Variants in KIF16B observed in about 807,000 individuals in gnomAD.
KIF16B encodes kinesin-like protein KIF16B.
KIF16B carries 98 observed loss-of-function variants against 156.3 expected under a neutral mutation model. That is an observed-to-expected ratio of 0.63 (90% CI 0.53 to 0.74). The LOEUF is 0.74. KIF16B is among the 30% of genes least tolerant of loss of function. The pLI, the probability that KIF16B is intolerant of heterozygous loss-of-function variation, is 0.00. For synonymous variants in KIF16B, 564 were observed against 583.7 expected (o/e 0.97, Z 0.49); for missense variants, 1,421 against 1,606.5 (o/e 0.88, Z 1.97).
chr20:16,554,495 C>T (rs922297907), intron 1 of KIF16B, among the ~76,000 whole-genome samples: 1 of 152,220 alleles, frequency 6.6e-6, no homozygotes, highest in Non-Finnish European at 1.5e-5. Flanking sequence ...TTTGAGCTGT[C>T]TGTCGCTCAA....
At position 16,573,441 on chromosome 20, in the gene KIF16B, C is replaced by CT; in HGVS notation, c.-167dup. On this transcript the variant is annotated 5_prime_UTR_variant, in exon 1 of 26. An upstream open reading frame in the 5' UTR gains an earlier in-frame stop. Transcript: ENST00000354981. ...CGCGGCAGCCCCACCTGCCAGGCCA[C>CT]TGAGCATGCCCAGAACGGCTCCGGC... 1.4e-6 allele frequency: 1 copy of CT among 721,122 alleles called. No individual in the cohort carries two copies. The allele number at this position is 721,122 out of a possible 1,614,324, so 44.7% of individuals were successfully genotyped here. A position where few individuals can be genotyped will look rare whatever the true frequency, so the allele number is the denominator to read the frequency against.
At chr20:16,468,665 A>C in intron 12 of KIF16B, among the ~76,000 whole-genome samples, 1 of 152,066 alleles carries the variant, frequency 6.6e-6, no homozygotes, top group Non-Finnish European at 1.5e-5. Context: ...GTATGGCATA[A>C]CAATAGAGAG....
chr20:16,471,323 G>A (rs150180031), intron 12 of KIF16B, among the ~76,000 whole-genome samples: 30 of 152,286 alleles, frequency 2.0e-4, no homozygotes, highest in African/African-American at 7.0e-4. Flanking sequence ...GTCACTCTGT[G>A]AAGACTAAGC....
At chr20:16,286,492 A>C (rs1225756819) in intron 25 of KIF16B, among the ~76,000 whole-genome samples, 1 of 107,606 alleles carries the variant, frequency 9.3e-6, no homozygotes, top group Non-Finnish European at 2.1e-5. Flanking sequence ...TAGCTGAGGA[A>C]TCTTAGCTAG....
At chr20:16,333,330 C>T (rs1281144951) in intron 24 of KIF16B, among the ~76,000 whole-genome samples, 1 of 152,116 alleles carries the variant, frequency 6.6e-6, no homozygotes, top group African/African-American at 2.4e-5. Context: ...GTCCACTACC[C>T]AGCTCTCATG....
Position 16,379,505 on chromosome 20 carries a change from G to C in KIF16B, c.2497C>G (p.Leu833Val), listed in dbSNP as rs1275482041. Residue 833 changes from leucine to valine, a missense_variant, in exon 19 of 26, where the codon CTT becomes GTT. Coordinates refer to ENST00000354981, the MANE Select transcript of KIF16B (RefSeq NM_024704.5). ...TTCTCCAAGTTCACTAGCTTGACAAGCTGCCTTCTCTTGAATTCGAAGAAA... is the reference window on the plus strand; with the variant it reads ...TTCTCCAAGTTCACTAGCTTGACAACCTGCCTTCTCTTGAATTCGAAGAAA... Reference protein sequence around the residue: ...LRFFEFKRRQLVKLVNLEKDL... With the variant: ...LRFFEFKRRQVVKLVNLEKDL... The C allele has an allele frequency of 6.2e-7, 1 of 1,614,020 alleles. No homozygotes were observed. The highest frequency in any genetic ancestry group is 1.7e-5 in the Admixed American group (1 of 60,008).
chr20:16,534,434 G>A (rs1283837892), intron 1 of KIF16B, among the ~76,000 whole-genome samples: 1 of 152,124 alleles, frequency 6.6e-6, no homozygotes, highest in African/African-American at 2.4e-5. Context: ...CCTATCAAAT[G>A]AGTAGCTTAC....
chr20:16,382,994 G>A (rs539805505), intron 17 of KIF16B, among the ~76,000 whole-genome samples: 11 of 152,112 alleles, frequency 7.2e-5, no homozygotes, highest in Admixed American at 3.9e-4. Context: ...GGTGGATTTC[G>A]TTTTGGTATT....
At chr20:16,544,938 C>T (rs2147253659) in intron 1 of KIF16B, among the ~76,000 whole-genome samples, 1 of 152,190 alleles carries the variant, frequency 6.6e-6, no homozygotes, top group East Asian at 1.9e-4. Context: ...TTCTTAAACT[C>T]GAGCACTAAA....
intron 1 of KIF16B, among the ~76,000 whole-genome samples, chr20:16,568,056 G>A (rs1036672474): frequency 1.2e-4 from 19 of 152,184 alleles, no homozygotes; most frequent in African/African-American, 4.1e-4. Flanking sequence ...AGACCTAAGA[G>A]GCTAACCATG....
At chr20:16,431,835 C>A (rs1191233544) in intron 12 of KIF16B, among the ~76,000 whole-genome samples, 1 of 151,096 alleles carries the variant, frequency 6.6e-6, no homozygotes, top group Non-Finnish European at 1.5e-5. Flanking sequence ...ATGGTGATTT[C>A]TCTCCTTGGG....
chr20:16,485,876 C>CACATATATATACACACATATATAT (rs1281538270), intron 12 of KIF16B, among the ~76,000 whole-genome samples: 5 of 151,926 alleles, frequency 3.3e-5, no homozygotes, highest in African/African-American at 7.3e-5. Context: ...CATATATATA[C>CACATATATATACACACATATATAT]ACATATATAT....
intron 17 of KIF16B, among the ~76,000 whole-genome samples, chr20:16,388,898 C>T (rs958546051): frequency 6.6e-6 from 1 of 152,090 alleles, no homozygotes; most frequent in Non-Finnish European, 1.5e-5. Context: ...CCTATGATGT[C>T]GTTTCAGTTT....
At chr20:16,514,583 A>G (rs1377682810) in intron 4 of KIF16B, among the ~76,000 whole-genome samples, 1 of 61,388 alleles carries the variant, frequency 1.6e-5, no homozygotes, top group East Asian at 5.3e-4. Context: ...AAGAAATAAG[A>G]AAAAAAAAAA....
At chr20:16,479,891 C>T (rs1600505144) in intron 12 of KIF16B, among the ~76,000 whole-genome samples, 1 of 152,328 alleles carries the variant, frequency 6.6e-6, no homozygotes, top group East Asian at 1.9e-4. Flanking sequence ...CACCAAGCCA[C>T]ATGTGACTGT....
At chr20:16,358,457 G>A (rs1252694596) in intron 22 of KIF16B, among the ~76,000 whole-genome samples, 1 of 152,312 alleles carries the variant, frequency 6.6e-6, no homozygotes, top group East Asian at 1.9e-4. Context: ...GATTCCAGGT[G>A]ATGTTCACTT....
intron 12 of KIF16B, among the ~76,000 whole-genome samples, chr20:16,465,619 A>C: frequency 6.6e-6 from 1 of 152,260 alleles, no homozygotes; most frequent in Non-Finnish European, 1.5e-5. Context: ...ATGTAAAAGA[A>C]AAAATCACTT....
intron 3 of KIF16B, among the ~76,000 whole-genome samples, chr20:16,515,894 T>A (rs905121315): frequency 3.3e-5 from 5 of 152,124 alleles, no homozygotes; most frequent in Non-Finnish European, 7.4e-5. Context: ...CCTACTTAAG[T>A]TTACCAAAAA....
intron 12 of KIF16B, among the ~76,000 whole-genome samples, chr20:16,492,051 C>G (rs1050227320): frequency 6.6e-6 from 1 of 152,150 alleles, no homozygotes; most frequent in African/African-American, 2.4e-5. Context: ...AGCCACTCCT[C>G]AGGATATATG....
Sources: gnomAD v4.1 joint callset for allele counts (sites outside exome capture counted in the v4.1 genomes callset) on GRCh38, gnomAD v4.1.1 for gene constraint, MANE v1.5 for transcripts, NCBI Gene and HGNC (gene_info 2026-07-23, HGNC 2026-07-21) for gene names.